Variants in NCOR2 observed in about 807,000 individuals in gnomAD.
NCOR2 encodes the protein nuclear receptor corepressor 2.
A neutral mutation model predicts 262.9 loss-of-function variants in NCOR2; 81 were observed. The ratio of observed to expected loss-of-function variants is 0.31; its 90% CI spans 0.26 to 0.37. The LOEUF is 0.37. NCOR2 is among the 10% of genes least tolerant of loss of function. NCOR2 has a pLI of 1.00. For synonymous variants in NCOR2, 1,659 were observed against 1,559.3 expected (o/e 1.06, Z -1.51); for missense variants, 3,385 against 3,621.4 (o/e 0.93, Z 1.68).
At chr12:124,342,857 C>G in intron 33 of NCOR2, 148 bp downstream of exon 35, 2 of 777,172 alleles carry the variant, frequency 2.6e-6, no homozygotes, top group South Asian at 3.4e-5. Flanking sequence ...CATGATTACA[C>G]TGTTGGGTCT....
intron 7 of NCOR2, among the ~76,000 whole-genome samples, chr12:124,448,932 T>C (rs945288776): frequency 7.2e-5 from 11 of 152,112 alleles, no homozygotes; most frequent in African/African-American, 2.4e-4. Context: ...TGACGAACCT[T>C]GAACATTCAA....
At chr12:124,395,332 A>G (rs1019398236) in intron 16 of NCOR2, among the ~76,000 whole-genome samples, 6 of 135,256 alleles carry the variant, frequency 4.4e-5, no homozygotes, top group African/African-American at 1.4e-4. Context: ...TCCCCGCCCC[A>G]CCCCCGCTCC....
Position 124,432,847 on chromosome 12 carries a change from A to G in NCOR2, c.883-2060T>C, listed in dbSNP as rs1229233335. On this transcript the variant is annotated intron_variant, in intron 8 of 46. Coordinates refer to ENST00000405201, the Ensembl canonical transcript of NCOR2. This position sits in a 1 kb window ranked among gnomAD's most constrained non-coding sequence, Gnocchi z 5.1. ...GCTTCCACATCTCCAAGGTGACTTGAGCAAGTGGCGGCGGGGGGCGGGGGG... is the reference window on the plus strand; with the variant it reads ...GCTTCCACATCTCCAAGGTGACTTGGGCAAGTGGCGGCGGGGGGCGGGGGG... 8.7e-6 allele frequency among the ~76,000 whole-genome samples: 1 copy of G among 114,328 alleles called. No homozygotes were observed. Among genetic ancestry groups the G allele is most frequent in the African/African-American group, 3.4e-5 (1 of 29,380 alleles). 75.0% of individuals were successfully genotyped at this position (114,328 alleles called of 152,430 possible). A position where few individuals can be genotyped will look rare whatever the true frequency, so the allele number is the denominator to read the frequency against.
chr12:124,445,051 C>T (rs1016634997), intron 7 of NCOR2, among the ~76,000 whole-genome samples: 5 of 152,140 alleles, frequency 3.3e-5, no homozygotes, highest in African/African-American at 1.2e-4. Flanking sequence ...AGCCGACCCC[C>T]AAATGAGGCA....
upstream of NCOR2, among the ~76,000 whole-genome samples, chr12:124,536,468 A>G (rs998526175): frequency 6.6e-6 from 1 of 152,244 alleles, no homozygotes; most frequent in Non-Finnish European, 1.5e-5. Context: ...CCACAAATCA[A>G]TATGAGCCAG....
chr12:124,439,352 GGGAGAC>G (rs2044668861), intron 7 of NCOR2, among the ~76,000 whole-genome samples: 81 of 93,474 alleles, frequency 8.7e-4, no homozygotes, highest in African/African-American at 1.6e-3. Context: ...CAGAGAGAGA[GGGAGAC>G]AGAGACCCGG....
At chr12:124,560,859 G>A (rs1395613210) in intron 1 of NCOR2, among the ~76,000 whole-genome samples, 2 of 152,086 alleles carry the variant, frequency 1.3e-5, no homozygotes, top group Non-Finnish European at 2.9e-5. Context: ...CAAAGCAACT[G>A]GCAGAGTTTT....
At chr12:124,354,278 T>C in intron 26 of NCOR2, 82 bp from the exon 29 acceptor site, 1 of 1,374,108 alleles carries the variant, frequency 7.3e-7, no homozygotes, top group Admixed American at 2.0e-5. Flanking sequence ...CCACCCTGAC[T>C]GAGAGACCCA....
chr12:124,512,571 A>C (rs111522243), intron 1 of NCOR2, among the ~76,000 whole-genome samples: 3,788 of 151,940 alleles, frequency 0.025, 145 homozygotes, highest in African/African-American at 0.086. Context: ...CATGGACCTA[A>C]CTCTTGGGGG....
upstream of NCOR2, chr12:124,567,609 T>TGGCGGCGGCGGC (rs574345580): frequency 2.4e-4 from 35 of 143,938 alleles, no homozygotes; most frequent in African/African-American, 6.6e-4. Context: ...GCGGCGGCGG[T>TGGCGGCGGCGGC]GGCGGCGGCG....
At chr12:124,495,481 G>A (rs1565996624), upstream of NCOR2, 1 of 716,976 alleles carries the variant, frequency 1.4e-6, no homozygotes, top group South Asian at 2.2e-5. The surrounding 1 kb of genome is among the most constrained non-coding windows in gnomAD (Gnocchi z 4.4). Context: ...AGCACCCAGG[G>A]GCCTGCCTGG....
chr12:124,425,550 T>C (rs1480697779), intron 11 of NCOR2, among the ~76,000 whole-genome samples: 2 of 152,116 alleles, frequency 1.3e-5, no homozygotes, highest in Admixed American at 6.5e-5. Flanking sequence ...TATAGCACAC[T>C]GTCCCTAAGG....
intron 7 of NCOR2, among the ~76,000 whole-genome samples, chr12:124,438,295 C>T (rs1339707909): frequency 6.6e-6 from 1 of 152,148 alleles, no homozygotes; most frequent in Admixed American, 6.5e-5. Flanking sequence ...ACCCCGGCAG[C>T]CACATCTGCC....
chr12:124,484,944 C>T (rs1168763950), intron 2 of NCOR2, among the ~76,000 whole-genome samples: 3 of 152,218 alleles, frequency 2.0e-5, no homozygotes, highest in Non-Finnish European at 4.4e-5. Flanking sequence ...GGGCTGGGGC[C>T]GTGTTGCTGG....
intron 17 of NCOR2, among the ~76,000 whole-genome samples, chr12:124,384,430 G>A (rs151277138): frequency 4.8e-4 from 73 of 152,354 alleles, no homozygotes; most frequent in African/African-American, 1.6e-3. Context: ...GAGGGCACGC[G>A]GGGCACTGCT....
At chr12:124,398,047 C>T (rs2136184828) in intron 16 of NCOR2, 72 bp downstream of exon 18, 1 of 1,571,892 alleles carries the variant, frequency 6.4e-7, no homozygotes, top group South Asian at 1.1e-5. Flanking sequence ...TGTCAACACC[C>T]TCCCCAGCAC....
exon 38 of NCOR2, chr12:124,336,874 G>A: frequency 6.2e-7 from 1 of 1,610,776 alleles, no homozygotes; most frequent in Non-Finnish European, 8.5e-7. Context: ...GAGGTGCGAG[G>A]TTCTTCGCAG....
intron 4 of NCOR2, among the ~76,000 whole-genome samples, 163 bp from the exon 7 acceptor site, chr12:124,466,449 C>T (rs1302045084): frequency 6.6e-6 from 1 of 152,142 alleles, no homozygotes; most frequent in Admixed American, 6.5e-5. Context: ...GACTCCGCAC[C>T]CGGGAGAGGC....
chr12:124,535,747 C>T (rs1428302448), upstream of NCOR2: 2 of 152,254 alleles, frequency 1.3e-5, no homozygotes, highest in African/African-American at 4.8e-5. Flanking sequence ...AGTATTTCTC[C>T]ATGAGAACCC....
Sources: allele counts gnomAD v4.1 joint callset (sites outside exome capture counted in the v4.1 genomes callset), GRCh38; gene constraint gnomAD v4.1.1; non-coding constraint Gnocchi (gnomAD v3.1); transcripts MANE v1.5; gene names NCBI Gene and HGNC (gene_info 2026-07-23, HGNC 2026-07-21).